Variants in CDC14A observed in about 807,000 individuals in gnomAD.
CDC14A encodes dual specificity protein phosphatase CDC14A.
Under a neutral mutation model 74.4 loss-of-function variants are expected in CDC14A, and 53 were observed. The ratio of observed to expected loss-of-function variants is 0.71; its 90% confidence interval spans 0.57 to 0.89. The LOEUF (loss-of-function observed/expected upper bound fraction) is 0.89, where lower values mean the gene tolerates loss of function less well. Ranked by LOEUF, CDC14A falls within the 40% of genes least tolerant of loss-of-function variation. The pLI, the probability that CDC14A is intolerant of heterozygous loss-of-function variation, is 0.00. For synonymous variants in CDC14A, 247 were observed against 258.4 expected, an observed-to-expected ratio of 0.96 and a Z score of 0.43; for missense variants, 646 against 713.7, an observed-to-expected ratio of 0.91 and a Z score of 1.08.
At chr1:100,510,102 G>T (rs10875301) in intron 15 of CDC14A, among the ~76,000 whole-genome samples, 57,967 of 151,954 alleles carry the variant, frequency 0.38, 11,308 homozygotes, top group African/African-American at 0.44. Context: ...TACTCATATC[G>T]TTTTGTCCTC....
At chr1:100,408,016 G>T (rs1226186529) in intron 4 of CDC14A, among the ~76,000 whole-genome samples, 1 of 152,044 alleles carries the variant, frequency 6.6e-6, no homozygotes, top group Non-Finnish European at 1.5e-5. Flanking sequence ...TAGTCACCCA[G>T]GTACTAAGCC....
At chr1:100,459,124 C>CAGAGAGAG (rs1212963314) in intron 8 of CDC14A, among the ~76,000 whole-genome samples, 90 of 146,954 alleles carry the variant, frequency 6.1e-4, no homozygotes, top group African/African-American at 2.2e-3. Context: ...CACACACACA[C>CAGAGAGAG]ACAGAGAGAG....
intron 11 of CDC14A, 175 bp downstream of exon 11, chr1:100,484,626 T>C: frequency 8.4e-7 from 1 of 1,193,078 alleles, no homozygotes. Flanking sequence ...CCAATTGCCC[T>C]TAAAAAAAAA....
At chr1:100,366,622 TTGTGAA>T (rs981564737) in intron 2 of CDC14A, among the ~76,000 whole-genome samples, 6 of 152,186 alleles carry the variant, frequency 3.9e-5, no homozygotes, top group African/African-American at 1.4e-4. Flanking sequence ...GATCCTACCC[TTGTGAA>T]TGTTTGCTCT....
chr1:100,509,489 A>T (rs1465698849), intron 15 of CDC14A, among the ~76,000 whole-genome samples: 3 of 151,580 alleles, frequency 2.0e-5, no homozygotes, highest in Admixed American at 1.3e-4. Flanking sequence ...CCATACTTGC[A>T]TCTTTTCTAA....
At chr1:100,409,559 G>T (rs1660399279) in intron 4 of CDC14A, among the ~76,000 whole-genome samples, 1 of 152,192 alleles carries the variant, frequency 6.6e-6, no homozygotes, top group Non-Finnish European at 1.5e-5. Context: ...CAGGCATTGG[G>T]TAAGTACAGC....
rs1257192374 is a variant in CDC14A, at chr1:100,421,759, G to C, written c.310-2463G>C. On this transcript the variant is annotated intron_variant, in intron 4 of 15. Transcript: ENST00000336454. ...CTGTTCGAATTCTGTTTTCATCCTA[G>C]AGCAACAACGCGAGTTTGGAAAGTT... Among the ~76,000 whole-genome samples, 3 of 152,134 alleles carry C rather than the reference G, an allele frequency of 2.0e-5. No homozygotes were observed. In the East Asian group the frequency reaches 5.8e-4, roughly 29 times the overall value.
chr1:100,395,745 A>T (rs887765411), intron 4 of CDC14A, among the ~76,000 whole-genome samples: 1 of 152,160 alleles, frequency 6.6e-6, no homozygotes, highest in Non-Finnish European at 1.5e-5. Flanking sequence ...ATCCTTACCA[A>T]TGCCATTAAG....
intron 6 of CDC14A, among the ~76,000 whole-genome samples, chr1:100,441,572 A>C (rs1030835608): frequency 6.6e-6 from 1 of 152,036 alleles, no homozygotes; most frequent in South Asian, 2.1e-4. Context: ...AATACAGAGG[A>C]AAAAAAAGTG....
chr1:100,445,572 C>A (rs1665441029), intron 7 of CDC14A, among the ~76,000 whole-genome samples: 2 of 152,116 alleles, frequency 1.3e-5, no homozygotes, highest in African/African-American at 2.4e-5. Flanking sequence ...GAAGAAGGAA[C>A]AATTCAAGGA....
intron 2 of CDC14A, among the ~76,000 whole-genome samples, chr1:100,370,466 C>T (rs1222737006): frequency 1.3e-5 from 2 of 152,134 alleles, no homozygotes; most frequent in Non-Finnish European, 2.9e-5. Flanking sequence ...AATCTTTAAT[C>T]TATCTTGAGT....
intron 4 of CDC14A, among the ~76,000 whole-genome samples, chr1:100,407,082 T>C (rs908580416): frequency 3.3e-5 from 5 of 152,184 alleles, no homozygotes; most frequent in Non-Finnish European, 5.9e-5. Context: ...ACCAGTACCA[T>C]GTTGTTTGGT....
Position 100,393,468 on chromosome 1 carries a change from T to G in CDC14A, c.309+2644T>G, listed in dbSNP as rs1308262042. 1.4e-5 allele frequency: 11 copies of G among 773,828 alleles called. No individual in the cohort carries two copies. In the Admixed American group the frequency reaches 1.9e-4, roughly 13 times the overall value. 47.9% of individuals were successfully genotyped at this position (773,828 alleles called of 1,614,324 possible). A position where few individuals can be genotyped will look rare whatever the true frequency, so the allele number is the denominator to read the frequency against. On this transcript the variant is annotated intron_variant, in intron 4 of 15. Coordinates refer to ENST00000336454, the MANE Select transcript of CDC14A (RefSeq NM_003672.4). ...TTCATATCGTTTCATACTGAGCAATTCAGTTGGTTGTCGAGCAGCCAGTCT... is the reference window on the plus strand; with the variant it reads ...TTCATATCGTTTCATACTGAGCAATGCAGTTGGTTGTCGAGCAGCCAGTCT...
intron 4 of CDC14A, among the ~76,000 whole-genome samples, chr1:100,404,256 T>C (rs557805107): frequency 1.3e-5 from 2 of 151,882 alleles, no homozygotes; most frequent in South Asian, 4.2e-4. Flanking sequence ...ATTTCTAAGA[T>C]TTTTAGTGTT....
At chr1:100,432,255 T>C (rs1485228701) in intron 5 of CDC14A, among the ~76,000 whole-genome samples, 1 of 152,350 alleles carries the variant, frequency 6.6e-6, no homozygotes, top group Admixed American at 6.5e-5. Context: ...TATAAGCTCT[T>C]TCTTTTATTG....
Position 100,508,572 on chromosome 1 carries a change from A to G in CDC14A, c.1755+9310A>G, listed in dbSNP as rs1246028761. The stretch of plus-strand genomic sequence containing the variant: ...CTCTGCCCGATCATCTAGGCCTTTC[A>G]GTCTAGAAACAGACCTTAATGACCC... On this transcript the variant is annotated intron_variant, in intron 15 of 15. Transcript: ENST00000336454. This position sits in a 1 kb window ranked among gnomAD's most constrained non-coding sequence, Gnocchi z 4.4. Among the ~76,000 whole-genome samples, 1 of 151,862 alleles carries G rather than the reference A, an allele frequency of 6.6e-6. No individual in the cohort carries two copies. Among genetic ancestry groups the G allele is most frequent in the African/African-American group, 2.4e-5 (1 of 41,310 alleles).
rs1012452271 is a variant in CDC14A at position 100,518,834 on chromosome 1, C to T, written c.*554C>T. ...GTTTTTAGAAAGTGATTTTTATGCT[C>T]GCACTATAAATATGGCAGGTCAGTT... is the stretch of plus-strand genomic sequence containing the variant. On this transcript the variant is annotated 3_prime_UTR_variant, in exon 16 of 16. Coordinates refer to ENST00000336454, the MANE Select transcript of CDC14A (RefSeq NM_003672.4). 4 of 152,644 alleles carry T rather than the reference C, an allele frequency of 2.6e-5. No homozygotes were observed. Among genetic ancestry groups the T allele is most frequent in the South Asian group, 2.1e-4 (1 of 4,826 alleles). The allele number at this position is 152,644 out of a possible 1,614,324, so 9.5% of individuals were successfully genotyped here.
intron 2 of CDC14A, among the ~76,000 whole-genome samples, chr1:100,376,635 C>G (rs936919644): frequency 6.6e-6 from 1 of 152,110 alleles, no homozygotes; most frequent in Non-Finnish European, 1.5e-5. Flanking sequence ...AGAGACATCA[C>G]TTTTCCATAG....
chr1:100,428,041 G>A (rs1411207314), intron 5 of CDC14A, among the ~76,000 whole-genome samples: 1 of 152,048 alleles, frequency 6.6e-6, no homozygotes, highest in Non-Finnish European at 1.5e-5. Context: ...TGGTATGTTA[G>A]GTAGTATATA....
Sources: gnomAD v4.1 joint callset for allele counts (sites outside exome capture counted in the v4.1 genomes callset) on GRCh38, gnomAD v4.1.1 for gene constraint, Gnocchi (gnomAD v3.1) non-coding constraint, MANE v1.5 for transcripts, NCBI Gene and HGNC (gene_info 2026-07-23, HGNC 2026-07-21) for gene names.